Variants in HS3ST4 observed in about 807,000 individuals in gnomAD.
The protein encoded by HS3ST4 is heparan sulfate-glucosamine 3-sulfotransferase 4.
Under a neutral mutation model 29.2 loss-of-function variants are expected in HS3ST4, and 17 were observed. That is an observed-to-expected ratio of 0.58 (90% CI 0.40 to 0.87). The LOEUF is 0.87. Ranked by LOEUF, HS3ST4 falls within the 40% of genes least tolerant of loss-of-function variation. The pLI is 0.00. For missense variants in HS3ST4, 627 were observed against 634.5 expected (o/e 0.99, Z 0.13); for synonymous variants, 314 against 285.7 (o/e 1.10, Z -1.00).
intron 1 of HS3ST4, among the ~76,000 whole-genome samples, chr16:25,786,397 G>C (rs923724520): frequency 6.6e-6 from 1 of 152,118 alleles, no homozygotes; most frequent in Admixed American, 6.5e-5. Flanking sequence ...AGGGTTGAGA[G>C]GATTAAGCAA....
At chr16:25,953,340 A>G (rs996894936) in intron 1 of HS3ST4, among the ~76,000 whole-genome samples, 2 of 152,110 alleles carry the variant, frequency 1.3e-5, no homozygotes, top group African/African-American at 2.4e-5. Context: ...TGCTTTGCCT[A>G]TTTCTTGAAC....
intron 1 of HS3ST4, among the ~76,000 whole-genome samples, chr16:25,987,793 G>A (rs915320260): frequency 3.3e-5 from 5 of 151,864 alleles, no homozygotes; most frequent in Admixed American, 6.6e-5. Context: ...TTTTTGAGGC[G>A]GAGTCTTGCT....
chr16:25,949,210 A>G (rs1325262843), intron 1 of HS3ST4, among the ~76,000 whole-genome samples: 2 of 152,150 alleles, frequency 1.3e-5, no homozygotes, highest in Admixed American at 6.5e-5. Context: ...TTGAGTTACA[A>G]ACTATCCAGT....
intron 1 of HS3ST4, among the ~76,000 whole-genome samples, chr16:25,699,319 A>G (rs1038969436): frequency 6.6e-6 from 1 of 152,190 alleles, no homozygotes; most frequent in East Asian, 1.9e-4. Context: ...TCCCGGATAT[A>G]TTGCAACATC....
intron 1 of HS3ST4, among the ~76,000 whole-genome samples, chr16:25,984,646 A>G (rs1291216216): frequency 6.6e-6 from 1 of 152,182 alleles, no homozygotes; most frequent in Non-Finnish European, 1.5e-5. Context: ...GCTTTCTTGT[A>G]TAAGTGAAAA....
chr16:26,005,253 T>C (rs919354819), intron 1 of HS3ST4, among the ~76,000 whole-genome samples: 4 of 152,208 alleles, frequency 2.6e-5, no homozygotes, highest in African/African-American at 9.6e-5. Context: ...AATTTTTAAA[T>C]AATATAGCCC....
chr16:25,809,599 G>A (rs928209119), intron 1 of HS3ST4, among the ~76,000 whole-genome samples: 2 of 152,122 alleles, frequency 1.3e-5, no homozygotes, highest in African/African-American at 4.8e-5. Context: ...TTGTTGAAAT[G>A]TTTGGTAGAA....
In HS3ST4 at chr16:25,914,659, G is replaced by A. The variant is rs562595978; in HGVS notation, c.735-220953G>A. Among the ~76,000 whole-genome samples, 3 of 151,852 alleles carry A rather than the reference G, an allele frequency of 2.0e-5. No individual in the cohort carries two copies. In the South Asian group the frequency reaches 6.2e-4, roughly 32 times the overall value. ...TGTGTGTGTGTGCACGTGTGTGGGT[G>A]TGTGGACTTTGTGTGCTTCTGTGTG... On this transcript the variant is annotated intron_variant, in intron 1 of 1. Coordinates refer to ENST00000331351, the MANE Select transcript of HS3ST4 (RefSeq NM_006040.3).
chr16:25,737,752 G>T (rs1325557762), intron 1 of HS3ST4, among the ~76,000 whole-genome samples: 1 of 152,026 alleles, frequency 6.6e-6, no homozygotes, highest in Non-Finnish European at 1.5e-5. Context: ...AAGAAACAAT[G>T]TATACATTTT....
chr16:25,790,937 G>T (rs1179966677), intron 1 of HS3ST4, among the ~76,000 whole-genome samples: 2 of 152,010 alleles, frequency 1.3e-5, no homozygotes, highest in African/African-American at 2.4e-5. Flanking sequence ...TATAGTAAGA[G>T]ATTTTTCATC....
chr16:25,959,787 C>G (rs12925062), intron 1 of HS3ST4, among the ~76,000 whole-genome samples: 37,948 of 151,874 alleles, frequency 0.25, 5,056 homozygotes, highest in Non-Finnish European at 0.3. Flanking sequence ...GTGGCTCCCT[C>G]ATTACCTTGG....
intron 1 of HS3ST4, among the ~76,000 whole-genome samples, chr16:26,070,777 T>A (rs1898593683): frequency 6.6e-6 from 1 of 152,244 alleles, no homozygotes; most frequent in Non-Finnish European, 1.5e-5. Flanking sequence ...CCTGATCATA[T>A]CACTTTGCAG....
intron 1 of HS3ST4, among the ~76,000 whole-genome samples, chr16:25,776,296 A>G (rs1966847474): frequency 6.6e-6 from 1 of 152,202 alleles, no homozygotes; most frequent in Admixed American, 6.5e-5. Flanking sequence ...AACTGCTTAG[A>G]GCAAACCTGC....
At chr16:26,100,711 C>A (rs754566129) in intron 1 of HS3ST4, among the ~76,000 whole-genome samples, 14 of 152,156 alleles carry the variant, frequency 9.2e-5, no homozygotes, top group South Asian at 4.1e-4. Flanking sequence ...CTCCCCCAAC[C>A]AAACCCGAGT....
At chr16:26,108,551 G>A (rs1220048329) in intron 1 of HS3ST4, among the ~76,000 whole-genome samples, 1 of 152,198 alleles carries the variant, frequency 6.6e-6, no homozygotes, top group African/African-American at 2.4e-5. Context: ...AATCCTGCCA[G>A]CTAGGTGACC....
In HS3ST4 at chr16:25,788,540, C is replaced by CTTTTTTTTTTTTTTTTTTTTTT. The variant is rs34729954; in HGVS notation, c.734+95392_734+95393insTTTTTTTTTTTTTTTTTTTTTT. ...TTCCTACATTTTTTTTTCTTTTCTT[C>CTTTTTTTTTTTTTTTTTTTTTT]TTTCTTTTTTTTTTTTTTTTGACAG... On this transcript the variant is annotated intron_variant, in intron 1 of 1. Coordinates refer to ENST00000331351, the MANE Select transcript of HS3ST4 (RefSeq NM_006040.3). Among the ~76,000 whole-genome samples the CTTTTTTTTTTTTTTTTTTTTTT allele has an allele frequency of 9.1e-5, 9 of 99,070 alleles. 1 individual carries two copies. Among genetic ancestry groups the CTTTTTTTTTTTTTTTTTTTTTT allele is most frequent in the Non-Finnish European group, 5.7e-5 (3 of 52,402 alleles). The allele number at this position is 99,070 out of a possible 152,430, so 65.0% of individuals were successfully genotyped here. A position where few individuals can be genotyped will look rare whatever the true frequency, so the allele number is the denominator to read the frequency against.
At chr16:25,946,234 A>T (rs778840403) in intron 1 of HS3ST4, among the ~76,000 whole-genome samples, 1 of 152,216 alleles carries the variant, frequency 6.6e-6, no homozygotes, top group Non-Finnish European at 1.5e-5. Flanking sequence ...ATTACAGTGC[A>T]GATGTTGAGG....
chr16:25,794,348 G>C (rs909086232), intron 1 of HS3ST4, among the ~76,000 whole-genome samples: 8 of 151,786 alleles, frequency 5.3e-5, no homozygotes, highest in Non-Finnish European at 8.8e-5. Context: ...TTTCCTGTTT[G>C]TATATGGGAT....
intron 1 of HS3ST4, among the ~76,000 whole-genome samples, chr16:26,053,376 T>G (rs1254567408): frequency 6.6e-6 from 1 of 152,204 alleles, no homozygotes; most frequent in Non-Finnish European, 1.5e-5. Context: ...ACCTCCAATG[T>G]CCTAAAAACA....
Sources: allele counts gnomAD v4.1 joint callset (sites outside exome capture counted in the v4.1 genomes callset), GRCh38; gene constraint gnomAD v4.1.1; transcripts MANE v1.5; gene names NCBI Gene and HGNC (gene_info 2026-07-23, HGNC 2026-07-21).